The following ESR1 variants were observed in gnomAD, a reference collection of about 807,000 sequenced individuals.
ESR1 encodes the protein estrogen receptor 1, also known as estrogen receptor.
ESR1 carries 12 observed loss-of-function variants against 52.7 expected under a neutral mutation model. The ratio of observed to expected loss-of-function variants is 0.23; its 90% confidence interval spans 0.15 to 0.37. The LOEUF is 0.37. Among genes scored for constraint, ESR1 ranks in the 10% least tolerant of loss-of-function variants. ESR1 has a pLI of 1.00. For missense variants in ESR1, 584 were observed against 779.7 expected, an observed-to-expected ratio of 0.75 and a Z score of 2.99; for synonymous variants, 305 against 316.8, an observed-to-expected ratio of 0.96 and a Z score of 0.39.
intron 2 of ESR1, among the ~76,000 whole-genome samples, chr6:151,868,008 A>T (rs1265669829): frequency 1.3e-5 from 2 of 151,390 alleles, no homozygotes; most frequent in Non-Finnish European, 3.0e-5. Context: ...TTTGTTACAA[A>T]GGTATATTGA....
upstream of ESR1, among the ~76,000 whole-genome samples, chr6:151,802,644 A>G (rs997013284): frequency 5.3e-5 from 8 of 152,212 alleles, no homozygotes; most frequent in Admixed American, 1.3e-4. Context: ...TTAAATTTTG[A>G]CTTTATGGCC....
At chr6:151,939,811 A>G (rs1010181067) in intron 3 of ESR1, among the ~76,000 whole-genome samples, 1 of 152,128 alleles carries the variant, frequency 6.6e-6, no homozygotes, top group African/African-American at 2.4e-5. Flanking sequence ...GTTTGTACCT[A>G]CATAATGGAT....
At chr6:151,738,116 G>A (rs1175657597) in intron 2 of ESR1, among the ~76,000 whole-genome samples, 2 of 152,072 alleles carry the variant, frequency 1.3e-5, no homozygotes, top group African/African-American at 4.8e-5. Flanking sequence ...TTGTTTTCTG[G>A]TGGTAGGCTT....
At chr6:152,096,374 T>C (rs1475059359) in intron 7 of ESR1, among the ~76,000 whole-genome samples, 1 of 152,180 alleles carries the variant, frequency 6.6e-6, no homozygotes, top group Admixed American at 6.5e-5. Context: ...ATTCAAATGG[T>C]AAGAAGTTTG....
chr6:151,908,061 A>G (rs765134083), intron 3 of ESR1, among the ~76,000 whole-genome samples: 2 of 152,282 alleles, frequency 1.3e-5, no homozygotes, highest in Admixed American at 1.3e-4. Context: ...GCCCTGGGTA[A>G]GGGGATTATG....
At chr6:152,028,973 T>C (rs933102241) in intron 5 of ESR1, among the ~76,000 whole-genome samples, 2 of 152,180 alleles carry the variant, frequency 1.3e-5, no homozygotes, top group African/African-American at 4.8e-5. Flanking sequence ...CAGCAACATT[T>C]GCTGTTCACC....
chr6:152,090,633 C>T (rs1208293338), intron 6 of ESR1, among the ~76,000 whole-genome samples: 2 of 152,150 alleles, frequency 1.3e-5, no homozygotes, highest in African/African-American at 4.8e-5. Flanking sequence ...CCGGAAGACT[C>T]CATTATCTAG....
At position 151,808,367 on chromosome 6, in the gene ESR1, A is replaced by G; in HGVS notation, c.452+3A>G. On this transcript the variant is annotated splice_donor_region_variant and intron_variant, in intron 1 of 7. Coordinates refer to ENST00000206249, the MANE Select transcript of ESR1 (RefSeq NM_000125.4). ...GCCGGCCCGCCGGCATTCTACAGGT[A>G]CCCGCGCCCGCGCCGCCCGTCGGGG... is the stretch of plus-strand genomic sequence containing the variant. 1 of 1,170,270 alleles carries G rather than the reference A, an allele frequency of 8.5e-7. No individual in the cohort carries two copies. The allele number at this position is 1,170,270 out of a possible 1,614,324, so 72.5% of individuals were successfully genotyped here. A position where few individuals can be genotyped will look rare whatever the true frequency, so the allele number is the denominator to read the frequency against.
intron 6 of ESR1, among the ~76,000 whole-genome samples, chr6:152,124,707 T>C (rs1213345736): frequency 6.6e-6 from 1 of 152,026 alleles, no homozygotes. Flanking sequence ...AAAAAAAGTA[T>C]ATTTTGTGAA....
intron 2 of ESR1, among the ~76,000 whole-genome samples, chr6:151,713,803 AT>A (rs566496802): frequency 2.0e-5 from 3 of 151,114 alleles, no homozygotes; most frequent in African/African-American, 7.3e-5. Context: ...GTGTTCATTG[AT>A]TTTTTTTTGA....
chr6:151,743,199 C>T (rs1783226000), intron 2 of ESR1, among the ~76,000 whole-genome samples: 1 of 152,004 alleles, frequency 6.6e-6, no homozygotes, highest in Non-Finnish European at 1.5e-5. Flanking sequence ...TGGGGGCTGA[C>T]ACTGTTGGGA....
exon 7 of ESR1, chr6:152,125,615 C>T (rs1343662985): frequency 5.3e-6 from 2 of 379,622 alleles, no homozygotes; most frequent in African/African-American, 2.0e-5. Flanking sequence ...CAACACTCAA[C>T]ACCTGTAGCT....
At chr6:151,824,315 GGTT>G (rs1479198084) in intron 1 of ESR1, among the ~76,000 whole-genome samples, 1 of 152,102 alleles carries the variant, frequency 6.6e-6, no homozygotes, top group African/African-American at 2.4e-5. Flanking sequence ...TTGTTGATGG[GGTT>G]GTTGTTTTTT....
intron 1 of ESR1, among the ~76,000 whole-genome samples, chr6:151,837,380 G>A (rs978451731): frequency 6.6e-6 from 1 of 151,894 alleles, no homozygotes; most frequent in Admixed American, 6.6e-5. Context: ...TTACAGGCAT[G>A]AGCCACCACA....
intron 4 of ESR1, among the ~76,000 whole-genome samples, chr6:152,002,185 A>AGTGTGTGTGTGTGTGTGT (rs10578838): frequency 1.6e-3 from 230 of 141,488 alleles, no homozygotes; most frequent in East Asian, 4.2e-3. Context: ...TTTTAAATCA[A>AGTGTGTGTGTGTGTGTGT]GTGTGTGTGT....
At chr6:151,978,960 A>G (rs1277976492) in intron 4 of ESR1, among the ~76,000 whole-genome samples, 1 of 152,214 alleles carries the variant, frequency 6.6e-6, no homozygotes, top group Non-Finnish European at 1.5e-5. Flanking sequence ...CTAATGAATC[A>G]ATGATACTGT....
intron 1 of ESR1, among the ~76,000 whole-genome samples, chr6:151,835,863 A>ATT (rs776621598): frequency 9.9e-5 from 15 of 151,888 alleles, no homozygotes; most frequent in Non-Finnish European, 1.5e-4. Context: ...GAAGTTTGAG[A>ATT]TTTTTATGTG....
intron 2 of ESR1, among the ~76,000 whole-genome samples, chr6:151,774,046 A>C (rs1785744707): frequency 6.6e-6 from 1 of 152,220 alleles, no homozygotes; most frequent in Admixed American, 6.5e-5. Context: ...GTATTTGTAG[A>C]GTTGGAAGAA....
intron 1 of ESR1, among the ~76,000 whole-genome samples, chr6:151,697,284 G>A (rs56092955): frequency 1.0e-3 from 155 of 152,292 alleles, no homozygotes; most frequent in Non-Finnish European, 2.0e-3. Flanking sequence ...ATTGTTTATG[G>A]TTGTAAAGAT....
Sources: allele counts gnomAD v4.1 joint callset (sites outside exome capture counted in the v4.1 genomes callset), GRCh38; gene constraint gnomAD v4.1.1; transcripts MANE v1.5; gene names NCBI Gene and HGNC (gene_info 2026-07-23, HGNC 2026-07-21).